Variants in RAD51B observed in about 807,000 individuals in gnomAD.
RAD51B encodes RAD51 paralog B.
In RAD51B, 38 loss-of-function variants were observed where a neutral mutation model predicts 42.2. The observed-to-expected ratio is 0.90, with a 90% CI of 0.70 to 1.18. The LOEUF (loss-of-function observed/expected upper bound fraction) is 1.18, where lower values mean the gene tolerates loss of function less well. Ranked by LOEUF, RAD51B falls within the 50% of genes most tolerant of loss-of-function variation. The pLI is 0.00. For missense variants in RAD51B, 373 were observed against 400.7 expected (o/e 0.93, Z 0.59); for synonymous variants, 154 against 145.2 (o/e 1.06, Z -0.43).
At chr14:68,553,138 A>G (rs1354773635) in intron 10 of RAD51B, among the ~76,000 whole-genome samples, 1 of 152,196 alleles carries the variant, frequency 6.6e-6, no homozygotes, top group Non-Finnish European at 1.5e-5. Context: ...TTGGGATTGT[A>G]CTATTGATAA....
At chr14:68,083,704 G>A (rs1041666334) in intron 7 of RAD51B, among the ~76,000 whole-genome samples, 1 of 152,138 alleles carries the variant, frequency 6.6e-6, no homozygotes. Context: ...TAGAAAAAAA[G>A]TAAGTTGCCA....
rs574571418 is a variant in RAD51B at position 68,530,508 on chromosome 14, AAG to A, written c.1036+62263_1036+62264del. Among the ~76,000 whole-genome samples, 178 of 151,516 alleles carry A rather than the reference AAG, an allele frequency of 1.2e-3. 1 individual carries two copies. Among genetic ancestry groups the A allele is most frequent in the African/African-American group, 4.1e-3 (170 of 41,428 alleles). ...AAAAAAACAAAGTTACCAGGGAGAAAAGAGAGTTATTTATAAAGGAATGATAG... is the reference window on the plus strand; with the variant it reads ...AAAAAAACAAAGTTACCAGGGAGAAAAGAGTTATTTATAAAGGAATGATAG... On this transcript the variant is annotated intron_variant, in intron 10 of 10. Transcript: ENST00000487270.
chr14:68,659,556 C>T (rs565686555), intron 11 of RAD51B, among the ~76,000 whole-genome samples: 1 of 152,344 alleles, frequency 6.6e-6, no homozygotes, highest in South Asian at 2.1e-4. Flanking sequence ...GAAACAGGAC[C>T]TTGGGAGGGT....
chr14:68,473,774 G>A (rs528060633), intron 10 of RAD51B, among the ~76,000 whole-genome samples: 14 of 151,880 alleles, frequency 9.2e-5, no homozygotes, highest in African/African-American at 3.1e-4. Context: ...ACCTATTCCT[G>A]GTCCATTCCC....
intron 7 of RAD51B, among the ~76,000 whole-genome samples, chr14:68,076,656 T>G (rs1400982806): frequency 6.6e-6 from 1 of 152,182 alleles, no homozygotes; most frequent in Non-Finnish European, 1.5e-5. Flanking sequence ...AATTCCTGAT[T>G]GGGAGTTGTT....
intron 10 of RAD51B, chr14:68,468,950 T>A (rs1312896582): frequency 3.5e-6 from 1 of 282,872 alleles, no homozygotes; most frequent in Non-Finnish European, 7.6e-6. Context: ...TACAGGTCTT[T>A]CCAGAAAGCA....
intron 7 of RAD51B, among the ~76,000 whole-genome samples, chr14:67,889,987 A>T (rs2043170433): frequency 6.6e-6 from 1 of 152,174 alleles, no homozygotes; most frequent in South Asian, 2.1e-4. Context: ...TTGGGATGGA[A>T]GATGCGGAAC....
chr14:67,924,626 G>A (rs1196306886), intron 7 of RAD51B, among the ~76,000 whole-genome samples: 5 of 152,262 alleles, frequency 3.3e-5, no homozygotes, highest in Middle Eastern at 3.4e-3. Context: ...ATCAGATCTC[G>A]TGAGACTCAT....
chr14:68,392,642 C>T (rs1320610540), intron 8 of RAD51B, among the ~76,000 whole-genome samples: 1 of 152,186 alleles, frequency 6.6e-6, no homozygotes, highest in Non-Finnish European at 1.5e-5. Flanking sequence ...AATAATAGAA[C>T]CCTCTTTTGA....
At chr14:68,468,460 A>T (rs2086040785) in intron 10 of RAD51B, 1 of 660,952 alleles carries the variant, frequency 1.5e-6, no homozygotes, top group Non-Finnish European at 2.8e-6. Context: ...GGGCCGAAGG[A>T]GACCTACAGA....
intron 4 of RAD51B, among the ~76,000 whole-genome samples, chr14:67,850,653 G>C (rs1041778067): frequency 6.6e-6 from 1 of 151,794 alleles, no homozygotes; most frequent in Non-Finnish European, 1.5e-5. Flanking sequence ...CCTATTTTAC[G>C]GGAGTGCTGG....
At chr14:68,139,757 T>A (rs893077456) in intron 7 of RAD51B, among the ~76,000 whole-genome samples, 10 of 152,214 alleles carry the variant, frequency 6.6e-5, no homozygotes, top group Non-Finnish European at 1.5e-4. Flanking sequence ...TGGAAAAAGG[T>A]CTCATAAAAG....
chr14:68,275,076 T>G (rs986073891), intron 7 of RAD51B, among the ~76,000 whole-genome samples: 2 of 152,214 alleles, frequency 1.3e-5, no homozygotes, highest in Admixed American at 1.3e-4. Context: ...ACCTACTGGT[T>G]TTAGCACCCA....
At chr14:68,556,036 G>A (rs566748770) in intron 10 of RAD51B, among the ~76,000 whole-genome samples, 6 of 152,216 alleles carry the variant, frequency 3.9e-5, no homozygotes, top group Non-Finnish European at 8.8e-5. Flanking sequence ...GAAGGGAATC[G>A]GCACAGTGAG....
intron 7 of RAD51B, among the ~76,000 whole-genome samples, chr14:68,014,113 G>A (rs902035564): frequency 4.6e-5 from 7 of 151,574 alleles, no homozygotes; most frequent in East Asian, 3.9e-4. Context: ...AGTAATTTGC[G>A]TTATTTTTAA....
At chr14:67,874,500 C>G (rs1052648629) in intron 5 of RAD51B, among the ~76,000 whole-genome samples, 2 of 151,750 alleles carry the variant, frequency 1.3e-5, no homozygotes, top group African/African-American at 4.8e-5. Context: ...CTTTTTCTTC[C>G]TCTGGGGCCC....
chr14:68,546,311 C>T (rs1396522329), intron 10 of RAD51B, among the ~76,000 whole-genome samples: 10 of 152,134 alleles, frequency 6.6e-5, no homozygotes, highest in Admixed American at 6.5e-4. Flanking sequence ...TCAGAGTTAA[C>T]ATCATCAGAC....
intron 7 of RAD51B, among the ~76,000 whole-genome samples, chr14:68,262,695 G>A (rs1294456542): frequency 6.6e-6 from 1 of 152,106 alleles, no homozygotes; most frequent in Non-Finnish European, 1.5e-5. Flanking sequence ...TGTGAAAATT[G>A]CAGAAGCAGG....
At chr14:68,553,138 A>T (rs1354773635) in intron 10 of RAD51B, among the ~76,000 whole-genome samples, 1 of 152,196 alleles carries the variant, frequency 6.6e-6, no homozygotes, top group Non-Finnish European at 1.5e-5. Flanking sequence ...TTGGGATTGT[A>T]CTATTGATAA....
Sources: allele counts gnomAD v4.1 joint callset (sites outside exome capture counted in the v4.1 genomes callset), GRCh38; gene constraint gnomAD v4.1.1; transcripts MANE v1.5; gene names NCBI Gene and HGNC (gene_info 2026-07-23, HGNC 2026-07-21).